The following AMOTL1 variants were observed in gnomAD, a reference collection of about 807,000 sequenced individuals.
The protein encoded by AMOTL1 is angiomotin like 1, also known as angiomotin-like protein 1.
AMOTL1 carries 45 observed loss-of-function variants against 102.9 expected under a neutral mutation model. The ratio of observed to expected loss-of-function variants is 0.44; its 90% CI spans 0.34 to 0.56. The LOEUF (loss-of-function observed/expected upper bound fraction) is 0.56, where lower values mean the gene tolerates loss of function less well. AMOTL1 is among the 20% of genes least tolerant of loss of function. The probability of loss-of-function intolerance (pLI) is 0.01; values close to 1 mark genes in which losing one functional copy is unlikely to be tolerated. For synonymous variants in AMOTL1, 481 were observed against 484.7 expected (o/e 0.99, Z 0.10); for missense variants, 1,114 against 1,225.6 (o/e 0.91, Z 1.36).
intron 1 of AMOTL1, among the ~76,000 whole-genome samples, chr11:94,784,493 TA>T (rs1951154324): frequency 6.6e-6 from 1 of 152,212 alleles, no homozygotes; most frequent in Admixed American, 6.5e-5. Flanking sequence ...TATAGGACAC[TA>T]AAACTACTGA....
upstream of AMOTL1, among the ~76,000 whole-genome samples, chr11:94,767,956 A>C (rs753220157): frequency 6.6e-6 from 1 of 152,158 alleles, no homozygotes; most frequent in Non-Finnish European, 1.5e-5. Flanking sequence ...GCCACTTTCT[A>C]CCTGGAAATT....
chr11:94,873,539 C>T lies in AMOTL1; in HGVS notation c.*2744C>T, dbSNP rs75068110. ...GTGTGGTAAATACCTTTTAATTAGT[C>T]CTCCACCCACCTGGAGTACAGGGGG... On this transcript the variant is annotated 3_prime_UTR_variant, in exon 13 of 13. Transcript: ENST00000433060. 0.056 allele frequency: 8,467 copies of T among 152,198 alleles called. 403 individuals carry two copies. Among genetic ancestry groups the T allele is most frequent in the African/African-American group, 0.12 (5,130 of 41,482 alleles). 9.4% of individuals were successfully genotyped at this position (152,198 alleles called of 1,614,324 possible).
chr11:94,747,861 CCTT>C (rs1250237095), intron 3 of AMOTL1, among the ~76,000 whole-genome samples: 1 of 152,136 alleles, frequency 6.6e-6, no homozygotes, highest in Non-Finnish European at 1.5e-5. Flanking sequence ...GAATGTTCAC[CCTT>C]GATTGCCTCA....
chr11:94,756,903 C>G (rs1565340923), intron 3 of AMOTL1, among the ~76,000 whole-genome samples: 1 of 152,118 alleles, frequency 6.6e-6, no homozygotes, highest in Non-Finnish European at 1.5e-5. Flanking sequence ...GATTTCAACT[C>G]CCCTGCCTGA....
chr11:94,852,811 T>C (rs1952571764), intron 7 of AMOTL1, among the ~76,000 whole-genome samples: 1 of 152,230 alleles, frequency 6.6e-6, no homozygotes, highest in African/African-American at 2.4e-5. Context: ...TAGATAACTG[T>C]AATAAGAAAA....
chr11:94,735,014 A>C (rs1950417247), intron 2 of AMOTL1, among the ~76,000 whole-genome samples: 5 of 152,138 alleles, frequency 3.3e-5, no homozygotes, highest in Admixed American at 3.3e-4. Flanking sequence ...TTAGCCCCTC[A>C]CCCATCTCTT....
intron 9 of AMOTL1, among the ~76,000 whole-genome samples, chr11:94,860,080 T>TA (rs1490793474): frequency 1.3e-5 from 2 of 152,218 alleles, no homozygotes; most frequent in Admixed American, 1.3e-4. Flanking sequence ...TTAAAGTACA[T>TA]AACACAGTGG....
chr11:94,857,116 A>C (rs753618457), intron 8 of AMOTL1, among the ~76,000 whole-genome samples: 1 of 152,224 alleles, frequency 6.6e-6, no homozygotes, highest in Admixed American at 6.5e-5. Context: ...GCCTAGAGTA[A>C]GTCATCTTTC....
At chr11:94,791,543 T>C (rs1203878361) in intron 1 of AMOTL1, among the ~76,000 whole-genome samples, 1 of 152,210 alleles carries the variant, frequency 6.6e-6, no homozygotes, top group Non-Finnish European at 1.5e-5. Flanking sequence ...GAATGGTCTT[T>C]ATGAAGCCCC....
chr11:94,708,757 C>T (rs1591874296), intron 1 of AMOTL1, among the ~76,000 whole-genome samples: 1 of 152,118 alleles, frequency 6.6e-6, no homozygotes, highest in South Asian at 2.1e-4. Context: ...AAGAAACTTG[C>T]AGTTTACTTA....
chr11:94,713,024 G>A (rs1950042716), intron 1 of AMOTL1, among the ~76,000 whole-genome samples: 1 of 151,462 alleles, frequency 6.6e-6, no homozygotes, highest in Admixed American at 6.6e-5. Flanking sequence ...GTCAAGTTTA[G>A]TCAAATTTAG....
At chr11:94,746,931 G>A (rs934130322) in intron 3 of AMOTL1, among the ~76,000 whole-genome samples, 2 of 151,956 alleles carry the variant, frequency 1.3e-5, no homozygotes, top group African/African-American at 2.4e-5. Context: ...GTTGAATGAC[G>A]GAGTGAGGGT....
chr11:94,853,381 C>T (rs751536931), intron 7 of AMOTL1, among the ~76,000 whole-genome samples: 5 of 151,942 alleles, frequency 3.3e-5, no homozygotes, highest in Admixed American at 6.6e-5. Context: ...CTCCCACTTA[C>T]GAGTGAGAAC....
intron 3 of AMOTL1, among the ~76,000 whole-genome samples, 183 bp from the exon 4 acceptor site, chr11:94,821,347 G>T (rs929915919): frequency 6.6e-6 from 1 of 152,146 alleles, no homozygotes; most frequent in Non-Finnish European, 1.5e-5. Context: ...TGTCTTGTTC[G>T]CTGTTTCCCC....
At chr11:94,797,791 G>A (rs886801180) in intron 2 of AMOTL1, among the ~76,000 whole-genome samples, 16 of 152,198 alleles carry the variant, frequency 1.1e-4, no homozygotes, top group Admixed American at 9.2e-4. Context: ...GAGCTTAAAC[G>A]CCAAAGGATT....
chr11:94,790,059 C>T (rs1274661902), intron 1 of AMOTL1, among the ~76,000 whole-genome samples: 1 of 152,120 alleles, frequency 6.6e-6, no homozygotes, highest in African/African-American at 2.4e-5. Context: ...GTAAGGGCCC[C>T]CTCATCTTAC....
chr11:94,827,287 C>A (rs1025600485), intron 4 of AMOTL1, among the ~76,000 whole-genome samples: 1 of 152,166 alleles, frequency 6.6e-6, no homozygotes, highest in Non-Finnish European at 1.5e-5. Context: ...AAGGAAGCCT[C>A]GCTAGTTGTC....
intron 1 of AMOTL1, among the ~76,000 whole-genome samples, chr11:94,719,964 C>T (rs1249595186): frequency 1.3e-5 from 2 of 152,070 alleles, no homozygotes; most frequent in Non-Finnish European, 2.9e-5. Context: ...CCTGGGACAT[C>T]AGCATATTTT....
At chr11:94,809,545 A>G (rs964187271) in intron 3 of AMOTL1, among the ~76,000 whole-genome samples, 12 of 152,222 alleles carry the variant, frequency 7.9e-5, no homozygotes, top group African/African-American at 2.9e-4. Flanking sequence ...TGTGATTCTT[A>G]GCTCATGGTC....
Sources: gnomAD v4.1 joint callset for allele counts (sites outside exome capture counted in the v4.1 genomes callset) on GRCh38, gnomAD v4.1.1 for gene constraint, MANE v1.5 for transcripts, NCBI Gene and HGNC (gene_info 2026-07-23, HGNC 2026-07-21) for gene names.